HIPK1: variants seen among roughly 807,000 people sequenced by gnomAD.
HIPK1 encodes the protein homeodomain-interacting protein kinase 1.
A neutral mutation model predicts 117.1 loss-of-function variants in HIPK1; 28 were observed. The ratio of observed to expected loss-of-function variants is 0.24; its 90% CI spans 0.18 to 0.33. The LOEUF (loss-of-function observed/expected upper bound fraction) is 0.33, where lower values mean the gene tolerates loss of function less well. Ranked by LOEUF, HIPK1 falls within the 10% of genes least tolerant of loss-of-function variation. The pLI is 1.00. For synonymous variants in HIPK1, 605 were observed against 562.5 expected, an observed-to-expected ratio of 1.08 and a Z score of -1.07; for missense variants, 1,122 against 1,475.1, an observed-to-expected ratio of 0.76 and a Z score of 3.92.
chr1:113,958,152 A>G lies in HIPK1; in HGVS notation c.1842A>G (p.Ser614=). Residue 614 remains serine (S), a synonymous_variant, in exon 8 of 16, where the codon TCA becomes TCG. Transcript: ENST00000426820. ...ATGTCTCACTACTAAACTACCAGTC[A>G]GCTTTGTACCCATCATCTGCTGCAC... is the stretch of plus-strand genomic sequence containing the variant. ...NSDVSLLNYQ[S]ALYPSSAAPV... 1 of 1,614,178 alleles carries G rather than the reference A, an allele frequency of 6.2e-7. No individual in the cohort carries two copies. The highest frequency in any genetic ancestry group is 8.5e-7 in the Non-Finnish European group (1 of 1,180,010).
At chr1:113,968,802 C>T (rs1167819313) in intron 13 of HIPK1, among the ~76,000 whole-genome samples, 154 bp downstream of exon 13, 2 of 152,204 alleles carry the variant, frequency 1.3e-5, no homozygotes, top group African/African-American at 4.8e-5. Flanking sequence ...CAGCAGATCA[C>T]CTGAGGTGAG....
intron 1 of HIPK1, among the ~76,000 whole-genome samples, chr1:113,938,937 C>T (rs1263436689): frequency 2.8e-4 from 21 of 75,244 alleles, no homozygotes; most frequent in African/African-American, 1.1e-3. Context: ...AATACACACA[C>T]ACACACACAC....
At chr1:113,933,806 G>C (rs1182017280) in intron 1 of HIPK1, among the ~76,000 whole-genome samples, 2 of 152,198 alleles carry the variant, frequency 1.3e-5, no homozygotes, top group East Asian at 3.8e-4. Context: ...GGTCCAGGCT[G>C]CAGTGAACGA....
chr1:113,953,554 G>C (rs1451702461), intron 3 of HIPK1, among the ~76,000 whole-genome samples: 1 of 152,022 alleles, frequency 6.6e-6, no homozygotes, highest in African/African-American at 2.4e-5. Flanking sequence ...GTCTTGCTCT[G>C]TCACCCAGGC....
intron 15 of HIPK1, among the ~76,000 whole-genome samples, chr1:113,972,288 C>T (rs1571737241): frequency 6.6e-6 from 1 of 152,272 alleles, no homozygotes; most frequent in East Asian, 1.9e-4. Context: ...CTTTATCCCC[C>T]AGGCCATAAG....
In HIPK1 at chr1:113,952,820, A is replaced by G; in HGVS notation, c.1131A>G (p.Ser377=). Residue 377 remains serine (S), a synonymous_variant, in exon 3 of 16, where the codon TCA becomes TCG. Transcript: ENST00000426820. ...LPFCEAIDMW[S]LGCVIAELFL... The stretch of plus-strand genomic sequence containing the variant: ...TTTGTGAAGCTATTGATATGTGGTC[A>G]CTGGGCTGTGTGATAGCTGAGCTGT... 1.3e-6 allele frequency: 2 copies of G among 1,548,962 alleles called. No homozygotes were observed. The highest frequency in any genetic ancestry group is 1.7e-6 in the Non-Finnish European group (2 of 1,144,270).
intron 15 of HIPK1, among the ~76,000 whole-genome samples, chr1:113,972,802 T>TA (rs1315224814): frequency 1.3e-5 from 2 of 152,182 alleles, no homozygotes; most frequent in East Asian, 1.9e-4. Context: ...CTGTCATACT[T>TA]ACAAGCAAAA....
intron 13 of HIPK1, among the ~76,000 whole-genome samples, chr1:113,969,564 C>T (rs753919295): frequency 6.6e-6 from 1 of 152,126 alleles, no homozygotes; most frequent in East Asian, 1.9e-4. Flanking sequence ...TCTTTATCAT[C>T]ATTGTTATCA....
intron 2 of HIPK1, among the ~76,000 whole-genome samples, chr1:113,944,374 GGC>G (rs1670851573): frequency 6.6e-6 from 1 of 151,418 alleles, no homozygotes; most frequent in South Asian, 2.1e-4. Context: ...ATGTTGGCCA[GGC>G]TGGTCTCGAA....
chr1:113,963,812 G>C (rs1672281337), intron 10 of HIPK1, among the ~76,000 whole-genome samples: 1 of 152,110 alleles, frequency 6.6e-6, no homozygotes. Flanking sequence ...TGCCAGCCTA[G>C]TGTGATAAAA....
At chr1:113,931,348 A>G (rs888101588) in intron 1 of HIPK1, among the ~76,000 whole-genome samples, 1 of 152,156 alleles carries the variant, frequency 6.6e-6, no homozygotes, top group Non-Finnish European at 1.5e-5. Context: ...TCTGTGTTAT[A>G]ATACTGTTAT....
chr1:113,959,812 G>C (rs904203737), intron 8 of HIPK1, among the ~76,000 whole-genome samples: 1 of 152,156 alleles, frequency 6.6e-6, no homozygotes, highest in African/African-American at 2.4e-5. Context: ...AGGTGATGAT[G>C]ATGATGCCTG....
intron 5 of HIPK1, among the ~76,000 whole-genome samples, chr1:113,956,161 G>A (rs1553268701): frequency 1.4e-5 from 2 of 141,486 alleles, no homozygotes. Context: ...TGCAACCTCT[G>A]CCTCCCGGGT....
At chr1:113,940,276 A>G (rs1670560846) in intron 1 of HIPK1, 106 bp from the exon 2 acceptor site, 2 of 1,032,666 alleles carry the variant, frequency 1.9e-6, no homozygotes, top group Admixed American at 2.4e-5. Context: ...TTATTACATC[A>G]TGTTTCTTTT....
At chr1:113,942,470 G>C (rs1005907070) in intron 2 of HIPK1, among the ~76,000 whole-genome samples, 1 of 152,118 alleles carries the variant, frequency 6.6e-6, no homozygotes, top group Non-Finnish European at 1.5e-5. Context: ...AAAATAACGT[G>C]GGAATAACTC....
At chr1:113,933,071 A>G in intron 1 of HIPK1, 3 of 357,608 alleles carry the variant, frequency 8.4e-6, no homozygotes, top group Non-Finnish European at 1.2e-5. Context: ...TGTTATGTGC[A>G]GGTACTAAAA....
intron 2 of HIPK1, among the ~76,000 whole-genome samples, chr1:113,950,077 G>A (rs575291941): frequency 6.6e-6 from 1 of 151,982 alleles, no homozygotes; most frequent in African/African-American, 2.4e-5. Flanking sequence ...CAGATTTACT[G>A]TTTTCTAAGG....
chr1:113,941,048 A>G lies in HIPK1; in HGVS notation c.665A>G (p.Lys222Arg), dbSNP rs748848046. 4 of 1,614,214 alleles carry G rather than the reference A, an allele frequency of 2.5e-6. No homozygotes were observed. The South Asian group carries it at 4.4e-5, about 18-fold the overall frequency. ...GAAATTGTGGCTATTAAAATCTTGA[A>G]GAACCACCCCTCCTATGCCAGACAA... is the stretch of plus-strand genomic sequence containing the variant. ...TKEIVAIKIL[K>R]NHPSYARQGQ... The change falls in exon 2 of 16, where the codon AAG becomes AGG. Residue 222 changes from lysine to arginine, a missense_variant. Lys to Arg is a conservative substitution (Grantham distance 26). Transcript: ENST00000426820. This position sits in a 1 kb window ranked among gnomAD's most constrained non-coding sequence, Gnocchi z 4.9.
intron 1 of HIPK1, chr1:113,930,983 A>G (rs1271623163): frequency 6.6e-6 from 1 of 152,222 alleles, no homozygotes; most frequent in East Asian, 1.9e-4. Flanking sequence ...CATCAACATA[A>G]TACTTTCAGC....
Sources: gnomAD v4.1 joint callset for allele counts (sites outside exome capture counted in the v4.1 genomes callset) on GRCh38, gnomAD v4.1.1 for gene constraint, Gnocchi (gnomAD v3.1) non-coding constraint, MANE v1.5 for transcripts, NCBI Gene and HGNC (gene_info 2026-07-23, HGNC 2026-07-21) for gene names.